The following MAST2 variants were observed in gnomAD, a reference collection of about 807,000 sequenced individuals.
MAST2 encodes the protein microtubule-associated serine/threonine-protein kinase 2.
MAST2 carries 70 observed loss-of-function variants against 147.4 expected under a neutral mutation model. That is an observed-to-expected ratio of 0.47 (90% CI 0.39 to 0.58). The LOEUF is 0.58. Among genes scored for constraint, MAST2 ranks in the 20% least tolerant of loss-of-function variants. The pLI, the probability that MAST2 is intolerant of heterozygous loss-of-function variation, is 0.00. For synonymous variants in MAST2, 869 were observed against 896.8 expected, an observed-to-expected ratio of 0.97 and a Z score of 0.55; for missense variants, 2,080 against 2,302.3, an observed-to-expected ratio of 0.90 and a Z score of 1.98.
intron 5 of MAST2, among the ~76,000 whole-genome samples, chr1:45,989,898 C>T (rs921871736): frequency 3.3e-5 from 5 of 152,306 alleles, no homozygotes; most frequent in Middle Eastern, 3.4e-3. Context: ...CCTGTCTTTT[C>T]GTAGGTGGAT....
intron 3 of MAST2, among the ~76,000 whole-genome samples, chr1:45,881,833 A>C (rs1646857783): frequency 6.6e-6 from 1 of 151,796 alleles, no homozygotes; most frequent in Non-Finnish European, 1.5e-5. Context: ...CCTTTTAGGA[A>C]GGAAGGATAA....
intron 11 of MAST2, among the ~76,000 whole-genome samples, chr1:46,020,645 T>C (rs1646146378): frequency 6.6e-6 from 1 of 152,194 alleles, no homozygotes; most frequent in South Asian, 2.1e-4. Flanking sequence ...ACATAGAGAA[T>C]ATTTCTGTCA....
chr1:45,890,732 C>T lies in MAST2; in HGVS notation c.500+8337C>T, dbSNP rs900865042. Among the ~76,000 whole-genome samples the T allele has an allele frequency of 1.7e-4, 26 of 152,294 alleles. No individual in the cohort carries two copies. The South Asian group carries it at 4.3e-3, about 25-fold the overall frequency. ...TCCGTGAGGTCAGGACCATGTTGTGCGGTACAATATGCTGATCCCAGAGCC... is the reference window on the plus strand; with the variant it reads ...TCCGTGAGGTCAGGACCATGTTGTGTGGTACAATATGCTGATCCCAGAGCC... On this transcript the variant is annotated intron_variant, in intron 4 of 28. Coordinates refer to ENST00000361297, the MANE Select transcript of MAST2 (RefSeq NM_015112.3).
intron 5 of MAST2, among the ~76,000 whole-genome samples, chr1:45,975,691 AAC>A (rs1379716481): frequency 1.3e-5 from 2 of 151,366 alleles, no homozygotes; most frequent in Non-Finnish European, 2.9e-5. Flanking sequence ...AAAAAAAAAA[AAC>A]ACAGACCATA....
intron 9 of MAST2, among the ~76,000 whole-genome samples, chr1:46,009,421 G>A (rs1249406829): frequency 6.6e-6 from 1 of 152,192 alleles, no homozygotes; most frequent in Non-Finnish European, 1.5e-5. Context: ...CTGAAGATAG[G>A]CCCTGTTCCT....
intron 3 of MAST2, among the ~76,000 whole-genome samples, chr1:45,875,432 C>T (rs764063935): frequency 1.4e-4 from 22 of 152,010 alleles, no homozygotes; most frequent in Admixed American, 1.2e-3. Context: ...GGTGACAGAA[C>T]GAGACTTCAT....
chr1:45,818,018 T>C (rs1262305788), intron 1 of MAST2, among the ~76,000 whole-genome samples: 2 of 152,224 alleles, frequency 1.3e-5, no homozygotes, highest in Admixed American at 1.3e-4. Context: ...TGCAAAACGT[T>C]GTCGAGATGC....
At chr1:45,912,769 T>C (rs1254740712) in intron 4 of MAST2, among the ~76,000 whole-genome samples, 3 of 152,228 alleles carry the variant, frequency 2.0e-5, no homozygotes, top group African/African-American at 4.8e-5. Context: ...TTTTCTCAGA[T>C]GTCTTCCTAT....
intron 5 of MAST2, among the ~76,000 whole-genome samples, chr1:45,968,025 CT>C (rs1306683659): frequency 1.3e-5 from 2 of 152,108 alleles, no homozygotes; most frequent in Non-Finnish European, 2.9e-5. Context: ...AAATGCAAAA[CT>C]TTTTAAGCAC....
intron 10 of MAST2, 67 bp from the exon 11 acceptor site, chr1:46,019,529 C>A: frequency 7.8e-7 from 1 of 1,279,922 alleles, no homozygotes; most frequent in Non-Finnish European, 1.1e-6. Context: ...CAGCTCTGCC[C>A]TGTCTGGTCC....
At chr1:45,966,119 A>G (rs553651274) in intron 5 of MAST2, among the ~76,000 whole-genome samples, 10 of 152,324 alleles carry the variant, frequency 6.6e-5, no homozygotes, top group African/African-American at 2.4e-4. Flanking sequence ...GGAATCATAC[A>G]ATAGCCTTTT....
chr1:45,975,256 G>T (rs1644089873), intron 5 of MAST2, among the ~76,000 whole-genome samples: 1 of 152,174 alleles, frequency 6.6e-6, no homozygotes, highest in Non-Finnish European at 1.5e-5. Context: ...ACCCAAGCTA[G>T]TCATTAAGCA....
chr1:46,015,066 T>A (rs1416323460), intron 10 of MAST2, among the ~76,000 whole-genome samples: 1 of 151,654 alleles, frequency 6.6e-6, no homozygotes, highest in African/African-American at 2.4e-5. Flanking sequence ...AACCTGCTCC[T>A]GAATGACTAC....
At chr1:46,008,429 AG>A in intron 9 of MAST2, 58 bp downstream of exon 9, 3 of 1,126,098 alleles carry the variant, frequency 2.7e-6, no homozygotes, top group Non-Finnish European at 4.1e-6. Flanking sequence ...GCCTACAGCC[AG>A]CCCCAATGGG....
At chr1:45,990,531 TCA>T (rs1231158003) in intron 5 of MAST2, among the ~76,000 whole-genome samples, 1 of 152,198 alleles carries the variant, frequency 6.6e-6, no homozygotes, top group African/African-American at 2.4e-5. Context: ...TCTTGCTCTG[TCA>T]CCCAGGCTGG....
intron 4 of MAST2, among the ~76,000 whole-genome samples, chr1:45,921,337 G>T (rs932658679): frequency 2.0e-5 from 3 of 152,092 alleles, no homozygotes; most frequent in African/African-American, 7.2e-5. Context: ...ACGGGATCCT[G>T]GGAGGTGTTG....
intron 4 of MAST2, among the ~76,000 whole-genome samples, chr1:45,915,988 CT>C (rs1405473985): frequency 6.6e-6 from 1 of 152,132 alleles, no homozygotes; most frequent in Non-Finnish European, 1.5e-5. Context: ...AACATTTTTA[CT>C]TCTTTTAACT....
intron 4 of MAST2, among the ~76,000 whole-genome samples, chr1:45,910,846 G>T (rs1448726705): frequency 2.0e-5 from 3 of 152,162 alleles, no homozygotes; most frequent in Non-Finnish European, 4.4e-5. Context: ...GCCCATAAAT[G>T]GCGTTCTGAT....
At chr1:45,931,592 C>T (rs1047904950) in intron 4 of MAST2, among the ~76,000 whole-genome samples, 2 of 151,782 alleles carry the variant, frequency 1.3e-5, no homozygotes, top group African/African-American at 2.4e-5. Context: ...CGGGTTCAAG[C>T]GATTCTCCTG....
Sources: gnomAD v4.1 joint callset for allele counts (sites outside exome capture counted in the v4.1 genomes callset) on GRCh38, gnomAD v4.1.1 for gene constraint, MANE v1.5 for transcripts, NCBI Gene and HGNC (gene_info 2026-07-23, HGNC 2026-07-21) for gene names.